Variants in CDH12 observed in about 807,000 individuals in gnomAD.
CDH12 encodes cadherin-12.
In CDH12, 41 loss-of-function variants were observed where a neutral mutation model predicts 74.1. The ratio of observed to expected loss-of-function variants is 0.55; its 90% CI spans 0.43 to 0.72. The LOEUF is 0.72. CDH12 is among the 30% of genes least tolerant of loss of function. CDH12 has a pLI of 0.00. For missense variants in CDH12, 945 were observed against 977.2 expected (o/e 0.97, Z 0.44); for synonymous variants, 399 against 355.0 (o/e 1.12, Z -1.39).
intron 1 of CDH12, among the ~76,000 whole-genome samples, chr5:22,589,096 T>G (rs930531733): frequency 1.3e-5 from 2 of 152,186 alleles, no homozygotes; most frequent in East Asian, 3.9e-4. Flanking sequence ...CTGTTCCCAA[T>G]ATGGGCTTGG....
At chr5:22,848,661 T>C (rs1358870982) in intron 1 of CDH12, among the ~76,000 whole-genome samples, 1 of 152,120 alleles carries the variant, frequency 6.6e-6, no homozygotes, top group African/African-American at 2.4e-5. Context: ...ATGCTGGTGA[T>C]TTTGTTTGTT....
In CDH12 at chr5:22,581,907, G is replaced by T. The variant is rs150216940; in HGVS notation, c.-522-76543C>A. 2.9e-3 allele frequency among the ~76,000 whole-genome samples: 443 copies of T among 152,228 alleles called. 4 individuals are homozygous for T. The highest frequency in any genetic ancestry group is 0.01 in the African/African-American group (423 of 41,524). ...AAAACATTTCTATGAAAAAATAGGG[G>T]TAAGGGAAGAGTTCTAACAAGAACT... On this transcript the variant is annotated intron_variant, in intron 1 of 14. Transcript: ENST00000382254.
chr5:21,874,338 T>A (rs1315500205), intron 6 of CDH12, among the ~76,000 whole-genome samples: 3 of 152,196 alleles, frequency 2.0e-5, no homozygotes, highest in Non-Finnish European at 4.4e-5. Context: ...CTGGATTTCC[T>A]AGGCTGACTA....
chr5:22,211,834 A>C (rs1751564187), intron 4 of CDH12, among the ~76,000 whole-genome samples: 2 of 151,492 alleles, frequency 1.3e-5, no homozygotes, highest in Non-Finnish European at 2.9e-5. Flanking sequence ...GCATTTTAGA[A>C]AGCACTTAAT....
At position 21,833,262 on chromosome 5, in the gene CDH12, T is replaced by TATATATTATATGTTATATAAC. The variant is rs1749272694; in HGVS notation, c.814+8898_814+8899insGTTATATAACATATAATATAT. On this transcript the variant is annotated intron_variant, in intron 8 of 14. Coordinates refer to ENST00000382254, the MANE Select transcript of CDH12 (RefSeq NM_004061.5). Reference sequence around the variant, plus strand: ...AATATATATTATATATTATATAACATATAATATATATTATATGTTATATAA... The same window carrying TATATATTATATGTTATATAAC: ...AATATATATTATATATTATATAACATATATATTATATGTTATATAACATAATATATATTATATGTTATATAA... 5.6e-5 allele frequency among the ~76,000 whole-genome samples: 2 copies of TATATATTATATGTTATATAAC among 35,856 alleles called. 1 individual carries two copies. The highest frequency in any genetic ancestry group is 7.6e-5 in the Non-Finnish European group (2 of 26,480). The allele number at this position is 35,856 out of a possible 152,430, so 23.5% of individuals were successfully genotyped here. A position where few individuals can be genotyped will look rare whatever the true frequency, so the allele number is the denominator to read the frequency against.
At chr5:22,596,274 C>T (rs1580801649) in intron 1 of CDH12, among the ~76,000 whole-genome samples, 2 of 150,912 alleles carry the variant, frequency 1.3e-5, no homozygotes, top group South Asian at 2.1e-4. Flanking sequence ...CCCATCTCTA[C>T]GAAAAATACA....
intron 6 of CDH12, among the ~76,000 whole-genome samples, chr5:21,942,214 A>C (rs1755361343): frequency 6.6e-6 from 1 of 151,970 alleles, no homozygotes; most frequent in Non-Finnish European, 1.5e-5. Flanking sequence ...GAAGCTCTTG[A>C]TCTTCACCTA....
chr5:22,280,599 A>G (rs1389591273), intron 3 of CDH12, among the ~76,000 whole-genome samples: 1 of 152,220 alleles, frequency 6.6e-6, no homozygotes, highest in African/African-American at 2.4e-5. Flanking sequence ...AAACACCTCT[A>G]TGCAAATAAA....
chr5:22,580,391 G>A lies in CDH12; in HGVS notation c.-522-75027C>T, dbSNP rs886910553. On this transcript the variant is annotated intron_variant, in intron 1 of 14. Coordinates refer to ENST00000382254, the MANE Select transcript of CDH12 (RefSeq NM_004061.5). Reference sequence around the variant, plus strand: ...ACACCAAGTGCACGTGGTCCCCATCGTAGGGTGGGTAGGGAGCATCCTCAG... The same window carrying A: ...ACACCAAGTGCACGTGGTCCCCATCATAGGGTGGGTAGGGAGCATCCTCAG... 27 of 484,302 alleles carry A rather than the reference G, an allele frequency of 5.6e-5. No homozygotes were observed. In the Admixed American group the frequency reaches 5.8e-4, roughly 10 times the overall value. 30.0% of individuals were successfully genotyped at this position (484,302 alleles called of 1,614,324 possible).
chr5:22,512,057 T>G (rs1736636250), intron 1 of CDH12, among the ~76,000 whole-genome samples: 1 of 151,958 alleles, frequency 6.6e-6, no homozygotes, highest in African/African-American at 2.4e-5. Context: ...ATAGTTACAA[T>G]TAAGAATATC....
chr5:22,287,679 C>T (rs891745187), intron 3 of CDH12, among the ~76,000 whole-genome samples: 10 of 144,894 alleles, frequency 6.9e-5, no homozygotes, highest in Non-Finnish European at 1.5e-4. Context: ...GCCGAGATTG[C>T]GCCACTGCAA....
chr5:22,667,891 G>A (rs1487413), intron 1 of CDH12, among the ~76,000 whole-genome samples: 86,128 of 152,008 alleles, frequency 0.57, 24,624 homozygotes, highest in Non-Finnish European at 0.59. Context: ...CCTTTAGGTC[G>A]TATCAAGAAA....
chr5:22,698,703 A>G (rs1580899624), intron 1 of CDH12, among the ~76,000 whole-genome samples: 3 of 14,304 alleles, frequency 2.1e-4, no homozygotes, highest in Middle Eastern at 0.038. Context: ...ATATATATAT[A>G]TATATATATA....
intron 1 of CDH12, among the ~76,000 whole-genome samples, chr5:22,757,871 A>G (rs969824676): frequency 6.6e-6 from 1 of 152,208 alleles, no homozygotes; most frequent in African/African-American, 2.4e-5. Flanking sequence ...ATCCCATTCA[A>G]GCTACATAAT....
At chr5:22,239,691 G>T (rs1408401778) in intron 3 of CDH12, among the ~76,000 whole-genome samples, 1 of 152,076 alleles carries the variant, frequency 6.6e-6, no homozygotes, top group East Asian at 1.9e-4. Flanking sequence ...AACTGTAAAA[G>T]AAACATACTA....
intron 1 of CDH12, among the ~76,000 whole-genome samples, chr5:22,704,202 T>C (rs764284945): frequency 1.3e-5 from 2 of 152,172 alleles, no homozygotes; most frequent in Non-Finnish European, 2.9e-5. Context: ...GTGGCTATCT[T>C]ATCCTATATA....
intron 3 of CDH12, among the ~76,000 whole-genome samples, chr5:22,302,031 AGT>A (rs1554029626): frequency 5.3e-5 from 8 of 150,792 alleles, no homozygotes; most frequent in Non-Finnish European, 7.4e-5. Context: ...AGAGAGAGAG[AGT>A]GAGTGAGAGA....
At chr5:22,698,724 TATATATATATA>T (rs1400313219) in intron 1 of CDH12, among the ~76,000 whole-genome samples, 201 of 17,222 alleles carry the variant, frequency 0.012, 6 homozygotes, top group Middle Eastern at 0.036. Context: ...TATATATATA[TATATATATATA>T]GTGTGTGTGT....
chr5:22,740,572 T>C (rs911936881), intron 1 of CDH12, among the ~76,000 whole-genome samples: 1 of 152,120 alleles, frequency 6.6e-6, no homozygotes, highest in African/African-American at 2.4e-5. Flanking sequence ...CTTATTAGCA[T>C]CTTCATTGTA....
Sources: allele counts gnomAD v4.1 joint callset (sites outside exome capture counted in the v4.1 genomes callset), GRCh38; gene constraint gnomAD v4.1.1; transcripts MANE v1.5; gene names NCBI Gene and HGNC (gene_info 2026-07-23, HGNC 2026-07-21).